The following TLN2 variants were observed in gnomAD, a reference collection of about 807,000 sequenced individuals.
TLN2 encodes the protein talin 2.
TLN2 carries 118 observed loss-of-function variants against 294.7 expected under a neutral mutation model. That is an observed-to-expected ratio of 0.40 (90% CI 0.34 to 0.47). TLN2 has a LOEUF of 0.47. Among genes scored for constraint, TLN2 ranks in the 20% least tolerant of loss-of-function variants. The pLI, the probability that TLN2 is intolerant of heterozygous loss-of-function variation, is 0.84. For synonymous variants in TLN2, 1,431 were observed against 1,304.5 expected, an observed-to-expected ratio of 1.10 and a Z score of -2.09; for missense variants, 3,083 against 3,282.2, an observed-to-expected ratio of 0.94 and a Z score of 1.48.
rs776245129 is a variant in TLN2, at chr15:62,762,342, G to T, written c.4850G>T (p.Arg1617Leu). ...TMLESSSYLI[R>L]TARSLAINPK... is the part of the protein sequence containing the mutation. ...CTGGAGAGTTCATCGTACCTCATTCGCACTGCACGCTCTCTGGCCATCAAC... is the reference window on the plus strand; with the variant it reads ...CTGGAGAGTTCATCGTACCTCATTCTCACTGCACGCTCTCTGGCCATCAAC... Residue 1617 changes from arginine to leucine, a missense_variant, in exon 39 of 59, where the codon CGC becomes CTC. Arg to Leu is a moderately radical substitution (Grantham distance 102). Transcript: ENST00000636159. The T allele has an allele frequency of 3.7e-6, 6 of 1,614,152 alleles. No homozygotes were observed. Among genetic ancestry groups the T allele is most frequent in the Middle Eastern group, 1.7e-4 (1 of 6,058 alleles).
At chr15:62,792,037 T>G (rs1418052613) in intron 45 of TLN2, among the ~76,000 whole-genome samples, 1 of 152,188 alleles carries the variant, frequency 6.6e-6, no homozygotes, top group Non-Finnish European at 1.5e-5. Context: ...AAAGGAAACC[T>G]CAAACCTGGC....
chr15:62,790,353 T>C (rs956169733), intron 45 of TLN2, among the ~76,000 whole-genome samples: 5 of 152,248 alleles, frequency 3.3e-5, no homozygotes, highest in Admixed American at 2.6e-4. Context: ...GGAAGGGTTC[T>C]GCTGCTAAGT....
In TLN2 at chr15:62,408,793, G is replaced by T. The variant is rs142282096; in HGVS notation, c.-238+18108G>T. ...AGTCCAAATTAATTGTATGGTCCAA[G>T]AATTTGTTGTTTTCTTTTCTTCTTC... On this transcript the variant is annotated intron_variant, in intron 1 of 58. Transcript: ENST00000636159. Among the ~76,000 whole-genome samples the T allele has an allele frequency of 1.6e-3, 246 of 152,122 alleles. 1 individual carries two copies. The highest frequency in any genetic ancestry group is 5.7e-3 in the African/African-American group (237 of 41,516).
chr15:62,809,429 C>G (rs1445885964), intron 51 of TLN2, among the ~76,000 whole-genome samples: 1 of 152,158 alleles, frequency 6.6e-6, no homozygotes, highest in Non-Finnish European at 1.5e-5. Context: ...CTAGAGGGCC[C>G]TGGTCACAGA....
At chr15:62,666,591 T>G (rs1355996851) in intron 9 of TLN2, among the ~76,000 whole-genome samples, 1 of 152,212 alleles carries the variant, frequency 6.6e-6, no homozygotes, top group Admixed American at 6.5e-5. Flanking sequence ...AAAAGACCGG[T>G]CATTACCCAG....
intron 1 of TLN2, among the ~76,000 whole-genome samples, chr15:62,557,371 A>T (rs991454776): frequency 6.6e-6 from 1 of 152,170 alleles, no homozygotes. Context: ...GAATTTAGAG[A>T]TGTCACGTAC....
At chr15:62,771,638 C>T (rs2063355545) in intron 42 of TLN2, among the ~76,000 whole-genome samples, 1 of 152,232 alleles carries the variant, frequency 6.6e-6, no homozygotes, top group African/African-American at 2.4e-5. Context: ...GGTGACTTTG[C>T]ACCACATTTT....
rs1320079733 is a variant in TLN2, at chr15:62,762,382, C to T, written c.4890C>T (p.Pro1630=). 1.9e-6 allele frequency: 3 copies of T among 1,614,214 alleles called. No individual in the cohort carries two copies. Among genetic ancestry groups the T allele is most frequent in the South Asian group, 2.2e-5 (2 of 91,084 alleles). Residue 1630 remains proline, a synonymous_variant, in exon 39 of 59, where the codon CCC becomes CCT. Coordinates refer to ENST00000636159, the MANE Select transcript of TLN2 (RefSeq NM_015059.3). ...TGGCCATCAACCCCAAAGACCCACC[C>T]ACCTGGTCTGTACTGGCTGGACATT... ...RSLAINPKDP[P]TWSVLAGHSH...
chr15:62,590,047 T>C (rs1380391862), intron 2 of TLN2, among the ~76,000 whole-genome samples: 3 of 152,178 alleles, frequency 2.0e-5, no homozygotes, highest in African/African-American at 7.2e-5. Flanking sequence ...TTGGACCTTA[T>C]AGTGTGAATT....
chr15:62,742,780 G>C (rs1428799120), intron 32 of TLN2, among the ~76,000 whole-genome samples: 1 of 152,156 alleles, frequency 6.6e-6, no homozygotes, highest in Non-Finnish European at 1.5e-5. Flanking sequence ...GAAAACGCTG[G>C]CACATTCTCC....
At chr15:62,579,836 G>A (rs2044763162) in intron 1 of TLN2, among the ~76,000 whole-genome samples, 3 of 152,228 alleles carry the variant, frequency 2.0e-5, no homozygotes. Context: ...TTACGAGCAT[G>A]TAGGAATAGT....
At chr15:62,661,059 A>G (rs77060996) in intron 9 of TLN2, among the ~76,000 whole-genome samples, 5,476 of 152,274 alleles carry the variant, frequency 0.036, 337 homozygotes, top group African/African-American at 0.13. Flanking sequence ...GTCAATGTAA[A>G]GAAGAATTAA....
chr15:62,801,581 A>G (rs1029063832), intron 50 of TLN2, among the ~76,000 whole-genome samples: 2 of 152,228 alleles, frequency 1.3e-5, no homozygotes, highest in Non-Finnish European at 2.9e-5. Flanking sequence ...AAACAATAGT[A>G]GAACAATTTT....
chr15:62,823,160 G>A (rs1369122015), intron 54 of TLN2, among the ~76,000 whole-genome samples: 1 of 152,162 alleles, frequency 6.6e-6, no homozygotes, highest in Non-Finnish European at 1.5e-5. Flanking sequence ...AAGGGTGATG[G>A]GTACTTCTAG....
At chr15:62,505,887 C>T (rs1012351482) in intron 1 of TLN2, among the ~76,000 whole-genome samples, 6 of 152,128 alleles carry the variant, frequency 3.9e-5, no homozygotes, top group African/African-American at 1.2e-4. Context: ...CCTGAACTTA[C>T]ATTAGCCAAA....
intron 1 of TLN2, among the ~76,000 whole-genome samples, chr15:62,514,876 C>T (rs541685585): frequency 2.0e-5 from 3 of 151,916 alleles, no homozygotes; most frequent in Non-Finnish European, 4.4e-5. Context: ...TTCAACTTTC[C>T]CAGAAGAGAG....
chr15:62,631,372 C>G (rs1019074007), intron 3 of TLN2, among the ~76,000 whole-genome samples: 1 of 152,190 alleles, frequency 6.6e-6, no homozygotes, highest in African/African-American at 2.4e-5. Flanking sequence ...GATGCCTTCT[C>G]TTCTCTAGCA....
At chr15:62,591,662 A>G (rs1432414777) in intron 2 of TLN2, among the ~76,000 whole-genome samples, 1 of 152,182 alleles carries the variant, frequency 6.6e-6, no homozygotes, top group Non-Finnish European at 1.5e-5. Flanking sequence ...GTGATCTGAC[A>G]GATAAGTATC....
At chr15:62,406,347 T>G (rs1286539689) in intron 1 of TLN2, among the ~76,000 whole-genome samples, 1 of 152,186 alleles carries the variant, frequency 6.6e-6, no homozygotes, top group Non-Finnish European at 1.5e-5. Flanking sequence ...AAGTGGGGCT[T>G]AGTCCATGAG....
Sources: gnomAD v4.1 joint callset for allele counts (sites outside exome capture counted in the v4.1 genomes callset) on GRCh38, gnomAD v4.1.1 for gene constraint, MANE v1.5 for transcripts, NCBI Gene and HGNC (gene_info 2026-07-23, HGNC 2026-07-21) for gene names.